Variants in DDX60L observed in about 807,000 individuals in gnomAD.
The protein encoded by DDX60L is DExD/H-box 60 like.
DDX60L carries 191 observed loss-of-function variants against 211.6 expected under a neutral mutation model. The ratio of observed to expected loss-of-function variants is 0.90; its 90% CI spans 0.80 to 1.02. The LOEUF is 1.02. DDX60L is among the 50% of genes least tolerant of loss of function. The pLI is 0.00. For synonymous variants in DDX60L, 706 were observed against 694.1 expected (o/e 1.02, Z -0.27); for missense variants, 2,007 against 1,984.1 (o/e 1.01, Z -0.22).
At chr4:168,415,596 A>C (rs1460434263) in intron 21 of DDX60L, 61 bp downstream of exon 21, 1 of 1,433,808 alleles carries the variant, frequency 7.0e-7, no homozygotes, top group Admixed American at 2.3e-5. Flanking sequence ...AAAAATCCCT[A>C]TAAAAAGCTT....
At chr4:168,437,976 C>G (rs1447679303) in intron 10 of DDX60L, among the ~76,000 whole-genome samples, 1 of 152,126 alleles carries the variant, frequency 6.6e-6, no homozygotes, top group African/African-American at 2.4e-5. Flanking sequence ...TGGGTTCAAG[C>G]GATTCTCCTG....
Position 168,373,832 on chromosome 4 carries a change from G to A in DDX60L, c.4634-24C>T, listed in dbSNP as rs749359871. On this transcript the variant is annotated intron_variant, in intron 34 of 37. Coordinates refer to ENST00000682922, the MANE Select transcript of DDX60L (RefSeq NM_001012967.3). The stretch of plus-strand genomic sequence containing the variant: ...TTCTGACCATTTTGGACTAGGTCAC[G>A]TTAGGTTTTAAAAATCAGCCCAAAT... The A allele has an allele frequency of 1.7e-4, 273 of 1,605,848 alleles. No individual in the cohort carries two copies. In the East Asian group the frequency reaches 4.2e-3, roughly 25 times the overall value.
In DDX60L at chr4:168,465,388, T is replaced by G. The variant is rs924728737; in HGVS notation, c.265-3348A>C. On this transcript the variant is annotated intron_variant, in intron 4 of 37. Coordinates refer to ENST00000682922, the MANE Select transcript of DDX60L (RefSeq NM_001012967.3). ...AGATGTTTGAGTTCCCTGCATATCC[T>G]GGATATTAATTCCTTGTAGGATAAA... Among the ~76,000 whole-genome samples the G allele has an allele frequency of 3.3e-5, 5 of 152,164 alleles. No homozygotes were observed. In the South Asian group the frequency reaches 1.0e-3, roughly 31 times the overall value.
intron 22 of DDX60L, among the ~76,000 whole-genome samples, chr4:168,407,555 A>T (rs189334226): frequency 6.6e-6 from 1 of 152,324 alleles, no homozygotes; most frequent in East Asian, 1.9e-4. Flanking sequence ...AAGCAAGTTA[A>T]CCAAGTATCT....
At chr4:168,441,281 A>T (rs1753789871) in intron 10 of DDX60L, 56 bp downstream of exon 10, 13 of 1,471,538 alleles carry the variant, frequency 8.8e-6, no homozygotes, top group Admixed American at 4.7e-5. Flanking sequence ...TAGGGCTTCT[A>T]AAAGTTGTTC....
chr4:168,406,433 T>C (rs1005032864), intron 23 of DDX60L, among the ~76,000 whole-genome samples, 169 bp downstream of exon 23: 6 of 152,142 alleles, frequency 3.9e-5, no homozygotes, highest in African/African-American at 1.4e-4. Flanking sequence ...CGTACAATAA[T>C]AAAGTCACAA....
chr4:168,421,362 T>A (rs1219803390), intron 17 of DDX60L, among the ~76,000 whole-genome samples: 3 of 152,066 alleles, frequency 2.0e-5, no homozygotes, highest in African/African-American at 7.2e-5. Flanking sequence ...AATAAAAATA[T>A]CAAAAATAGT....
At chr4:168,436,368 T>C (rs537120609) in intron 10 of DDX60L, among the ~76,000 whole-genome samples, 5 of 152,350 alleles carry the variant, frequency 3.3e-5, no homozygotes, top group East Asian at 1.9e-4. Flanking sequence ...GTATCCACAA[T>C]CTTGGTATTT....
intron 29 of DDX60L, chr4:168,390,012 G>T: frequency 3.6e-6 from 1 of 280,258 alleles, no homozygotes; most frequent in Non-Finnish European, 5.4e-6. Context: ...CATTTGGGAT[G>T]ATGAGGTGGT....
At chr4:168,424,861 G>A (rs930736056) in intron 14 of DDX60L, among the ~76,000 whole-genome samples, 3 of 152,168 alleles carry the variant, frequency 2.0e-5, no homozygotes, top group Admixed American at 1.3e-4. Flanking sequence ...TAATCTCTCT[G>A]TGGTTTGGTG....
At chr4:168,399,104 C>T (rs1579380341) in intron 26 of DDX60L, among the ~76,000 whole-genome samples, 1 of 152,254 alleles carries the variant, frequency 6.6e-6, no homozygotes, top group Non-Finnish European at 1.5e-5. Context: ...TTACCCTCCA[C>T]TTGTCTGTGT....
intron 9 of DDX60L, among the ~76,000 whole-genome samples, chr4:168,445,145 G>A (rs1190221278): frequency 1.5e-5 from 2 of 135,270 alleles, no homozygotes; most frequent in Non-Finnish European, 3.2e-5. Flanking sequence ...GACTAATAAA[G>A]AAAAAAAGAG....
chr4:168,377,085 G>A (rs1742089655), intron 33 of DDX60L, among the ~76,000 whole-genome samples: 2 of 152,066 alleles, frequency 1.3e-5, no homozygotes, highest in South Asian at 2.1e-4. Context: ...GAGGTCAGGA[G>A]TTTAAAACCA....
chr4:168,422,374 C>G, intron 16 of DDX60L, 150 bp downstream of exon 16: 1 of 715,258 alleles, frequency 1.4e-6, no homozygotes, highest in Non-Finnish European at 2.2e-6. Context: ...TGAATGATTT[C>G]TCATACTCTA....
rs61740720 is a variant in DDX60L, at chr4:168,379,787, C to T, written c.4160G>A (p.Arg1387Gln). The T allele has an allele frequency of 0.045, 72,156 of 1,612,410 alleles. 1,833 individuals are homozygous for T. Among genetic ancestry groups the T allele is most frequent in the Middle Eastern group, 0.071 (429 of 6,042 alleles). ...AAGTTTCAAAGTCTCCATGGCTCTT[C>T]GTCTCTTAAAAGACAGCAATGAATG... ...LKHSLLSFKR[R>Q]RAMETLKLYF... Residue 1387 changes from arginine (R) to glutamine (Q), a missense_variant, in exon 31 of 38, where the codon CGA (arginine) becomes CAA (glutamine). Coordinates refer to ENST00000682922, the MANE Select transcript of DDX60L (RefSeq NM_001012967.3).
intron 1 of DDX60L, among the ~76,000 whole-genome samples, chr4:168,477,931 G>A (rs1403908006): frequency 2.0e-5 from 3 of 152,116 alleles, no homozygotes; most frequent in Non-Finnish European, 4.4e-5. Flanking sequence ...AAGCAGAGCT[G>A]GAAAGAAGAG....
chr4:168,393,563 C>T (rs1029674013), intron 28 of DDX60L, among the ~76,000 whole-genome samples: 1 of 152,114 alleles, frequency 6.6e-6, no homozygotes, highest in African/African-American at 2.4e-5. Flanking sequence ...CAACTCTTCA[C>T]ACACTGTCCC....
chr4:168,472,158 T>A (rs1758871534), intron 3 of DDX60L, among the ~76,000 whole-genome samples: 1 of 152,168 alleles, frequency 6.6e-6, no homozygotes, highest in African/African-American at 2.4e-5. Flanking sequence ...GCAAAGGAAA[T>A]TATCCAATGC....
chr4:168,478,025 G>A (rs559132774), intron 1 of DDX60L, among the ~76,000 whole-genome samples: 1 of 152,004 alleles, frequency 6.6e-6, no homozygotes, highest in South Asian at 2.1e-4. Flanking sequence ...GCCAAGAGTT[G>A]GAGACCAACC....
Sources: gnomAD v4.1 joint callset for allele counts (sites outside exome capture counted in the v4.1 genomes callset) on GRCh38, gnomAD v4.1.1 for gene constraint, MANE v1.5 for transcripts, NCBI Gene and HGNC (gene_info 2026-07-23, HGNC 2026-07-21) for gene names.